Variants in KTN1 observed in about 807,000 individuals in gnomAD.
KTN1 encodes kinectin 1, also known as kinectin.
In KTN1, 130 loss-of-function variants were observed where a neutral mutation model predicts 222.5. The ratio of observed to expected loss-of-function variants is 0.58; its 90% CI spans 0.51 to 0.68. KTN1 has a LOEUF of 0.68. Ranked by LOEUF, KTN1 falls within the 30% of genes least tolerant of loss-of-function variation. The probability of loss-of-function intolerance (pLI) is 0.00; values close to 1 mark genes in which losing one functional copy is unlikely to be tolerated. For synonymous variants in KTN1, 512 were observed against 496.3 expected (o/e 1.03, Z -0.42); for missense variants, 1,508 against 1,500.4 (o/e 1.01, Z -0.08).
At chr14:55,625,160 T>G (rs1046711549) in intron 5 of KTN1, among the ~76,000 whole-genome samples, 15 of 152,168 alleles carry the variant, frequency 9.9e-5, no homozygotes, top group African/African-American at 3.6e-4. Context: ...TGGCCTTAGA[T>G]AAGTTACTTA....
intron 38 of KTN1, 71 bp downstream of exon 38, chr14:55,672,772 A>ATT: frequency 1.8e-6 from 2 of 1,130,764 alleles, no homozygotes; most frequent in Non-Finnish European, 2.7e-6. Flanking sequence ...CTGAAGATCT[A>ATT]TAGTTTAAGA....
chr14:55,619,371 CA>C (rs2038823391), intron 5 of KTN1, 59 bp downstream of exon 5: 1 of 1,552,326 alleles, frequency 6.4e-7, no homozygotes, highest in Non-Finnish European at 8.8e-7. Context: ...GTTCACCAAA[CA>C]AGACTTTAGC....
intron 34 of KTN1, chr14:55,668,612 G>C (rs12431385): frequency 1.3e-5 from 2 of 152,058 alleles, no homozygotes; most frequent in Non-Finnish European, 2.9e-5. Context: ...CGTAATGTCT[G>C]CTTGTCTTCC....
At chr14:55,673,851 C>G (rs1398209534) in intron 40 of KTN1, 2 of 151,884 alleles carry the variant, frequency 1.3e-5, no homozygotes, top group African/African-American at 2.4e-5. Context: ...CATATAATAC[C>G]CTGTATTCCT....
intron 1 of KTN1, among the ~76,000 whole-genome samples, chr14:55,592,981 A>AT (rs1419679400): frequency 4.6e-5 from 7 of 151,500 alleles, no homozygotes; most frequent in South Asian, 2.1e-4. Context: ...TTGTTCTATC[A>AT]TTTTTTTCTC....
At position 55,684,115 on chromosome 14, in the gene KTN1, A is replaced by T. The variant is rs1011792723; in HGVS notation, c.*12A>T. ...CTTTTACAGAGTGAAGTAATTGGGA[A>T]ACTGTTCATTTGAGGATAAAAAAGG... On this transcript the variant is annotated 3_prime_UTR_variant, in exon 44 of 44. Transcript: ENST00000395314. 24 of 1,600,318 alleles carry T rather than the reference A, an allele frequency of 1.5e-5. No individual in the cohort carries two copies. The highest frequency in any genetic ancestry group is 2.0e-5 in the Non-Finnish European group (23 of 1,171,008).
chr14:55,670,084 A>C (rs191590044), intron 34 of KTN1, among the ~76,000 whole-genome samples: 2 of 152,220 alleles, frequency 1.3e-5, no homozygotes, highest in Non-Finnish European at 2.9e-5. Context: ...TAATACATGC[A>C]TATTTACATC....
chr14:55,604,189 C>G (rs1226334064), intron 1 of KTN1, among the ~76,000 whole-genome samples: 1 of 152,184 alleles, frequency 6.6e-6, no homozygotes, highest in Non-Finnish European at 1.5e-5. Flanking sequence ...ATCAGTTTAT[C>G]CTTTTGTTCA....
chr14:55,603,830 T>C (rs117059136), intron 1 of KTN1, among the ~76,000 whole-genome samples: 5 of 152,350 alleles, frequency 3.3e-5, no homozygotes, highest in Admixed American at 2.6e-4. Context: ...CCTATCTCAG[T>C]AAAGGGCAGC....
intron 7 of KTN1, among the ~76,000 whole-genome samples, chr14:55,630,557 C>T (rs2040397030): frequency 6.6e-6 from 1 of 152,022 alleles, no homozygotes; most frequent in African/African-American, 2.4e-5. Context: ...GAGTGCACTC[C>T]AGGTGTTACC....
At chr14:55,581,917 T>TG (rs150575119) in intron 1 of KTN1, among the ~76,000 whole-genome samples, 11,646 of 152,142 alleles carry the variant, frequency 0.077, 493 homozygotes, top group South Asian at 0.11. Flanking sequence ...TTTTTCCTTT[T>TG]TTTTTAGTTT....
intron 18 of KTN1, among the ~76,000 whole-genome samples, chr14:55,643,946 A>G (rs954153098): frequency 6.6e-6 from 1 of 152,208 alleles, no homozygotes; most frequent in African/African-American, 2.4e-5. Flanking sequence ...ATAAAATTTT[A>G]TAGCCACATT....
At chr14:55,669,474 A>G (rs540466404) in intron 34 of KTN1, among the ~76,000 whole-genome samples, 3 of 152,148 alleles carry the variant, frequency 2.0e-5, no homozygotes, top group Non-Finnish European at 2.9e-5. Flanking sequence ...TTATAAAATA[A>G]TAAAGCAATA....
At chr14:55,666,856 C>A (rs1049306341) in intron 33 of KTN1, among the ~76,000 whole-genome samples, 1 of 151,918 alleles carries the variant, frequency 6.6e-6, no homozygotes, top group African/African-American at 2.4e-5. Flanking sequence ...CAATAAAGCT[C>A]AGTTGTGTTC....
chr14:55,598,026 G>A (rs1233456751), intron 1 of KTN1, among the ~76,000 whole-genome samples: 1 of 152,194 alleles, frequency 6.6e-6, no homozygotes, highest in African/African-American at 2.4e-5. Flanking sequence ...GAAGCTTGGA[G>A]TAATTGAGGG....
At chr14:55,632,607 A>G (rs948039510) in intron 7 of KTN1, among the ~76,000 whole-genome samples, 1 of 151,902 alleles carries the variant, frequency 6.6e-6, no homozygotes, top group Non-Finnish European at 1.5e-5. Context: ...GGAGAGATGA[A>G]TGGTGGTCAT....
At chr14:55,617,356 A>T (rs547879321) in intron 3 of KTN1, among the ~76,000 whole-genome samples, 2 of 152,218 alleles carry the variant, frequency 1.3e-5, no homozygotes, top group African/African-American at 4.8e-5. Flanking sequence ...ACCAGCAGAC[A>T]TTAGGCTTGA....
At chr14:55,677,497 TTAA>T (rs1252242230) in intron 41 of KTN1, among the ~76,000 whole-genome samples, 1 of 148,732 alleles carries the variant, frequency 6.7e-6, no homozygotes, top group Non-Finnish European at 1.5e-5. Context: ...AAAAAAAAAG[TTAA>T]TAACATACTT....
chr14:55,667,273 G>A lies in KTN1; in HGVS notation c.3210G>A (p.Leu1070=), dbSNP rs1277582612. 6.2e-7 allele frequency: 1 copy of A among 1,606,214 alleles called. No individual in the cohort carries two copies. The highest frequency in any genetic ancestry group is 8.5e-7 in the Non-Finnish European group (1 of 1,176,612). ...AGCAACAGGTGGAAGCTGTTGAGTT[G>A]GAGGCTAAAGAAGTTCTCAAAAAAT... The part of the protein sequence containing the change: ...ERQQQVEAVE[L]EAKEVLKKLF... The change falls in exon 34 of 44, where the codon TTG becomes TTA. Residue 1070 remains leucine, a synonymous_variant. Coordinates refer to ENST00000395314, the MANE Select transcript of KTN1 (RefSeq NM_001079521.2).
Sources: gnomAD v4.1 joint callset for allele counts (sites outside exome capture counted in the v4.1 genomes callset) on GRCh38, gnomAD v4.1.1 for gene constraint, MANE v1.5 for transcripts, NCBI Gene and HGNC (gene_info 2026-07-23, HGNC 2026-07-21) for gene names.